Variants in CCDC60 observed in about 807,000 individuals in gnomAD.
The protein encoded by CCDC60 is coiled-coil domain-containing protein 60.
Under a neutral mutation model 63.5 loss-of-function variants are expected in CCDC60, and 54 were observed. The observed-to-expected ratio is 0.85, with a 90% CI of 0.68 to 1.07. The LOEUF is 1.07. CCDC60 is among the 50% of genes least tolerant of loss of function. CCDC60 has a pLI of 0.00. For missense variants in CCDC60, 651 were observed against 684.3 expected (o/e 0.95, Z 0.54); for synonymous variants, 206 against 238.8 (o/e 0.86, Z 1.27).
chr12:119,482,895 G>A (rs1168060802), intron 4 of CCDC60, among the ~76,000 whole-genome samples: 1 of 152,120 alleles, frequency 6.6e-6, no homozygotes. Flanking sequence ...GGTGACATGG[G>A]TGAGATGCTG....
At chr12:119,349,175 G>T (rs1340117221) in intron 1 of CCDC60, among the ~76,000 whole-genome samples, 1 of 152,048 alleles carries the variant, frequency 6.6e-6, no homozygotes, top group East Asian at 1.9e-4. Flanking sequence ...GGGGTGGGTG[G>T]GTTGAGAGAA....
intron 7 of CCDC60, among the ~76,000 whole-genome samples, chr12:119,507,604 A>ATTTTTT (rs1566050749): frequency 7.9e-5 from 2 of 25,194 alleles, no homozygotes; most frequent in Admixed American, 5.6e-4. Flanking sequence ...ATATATATAT[A>ATTTTTT]TATATATATA....
intron 12 of CCDC60, among the ~76,000 whole-genome samples, chr12:119,529,606 T>C (rs1291496708): frequency 6.6e-6 from 1 of 152,198 alleles, no homozygotes. Context: ...AGCAGGTCCC[T>C]GGAGTCTTTG....
Position 119,494,482 on chromosome 12 carries a change from G to A in CCDC60, c.558-5596G>A, listed in dbSNP as rs191806786. On this transcript the variant is annotated intron_variant, in intron 5 of 13. Transcript: ENST00000327554. ...AGGCTGTCCAGAGAGACACCACTGG[G>A]CCCACTGTTTAGTGGGGAGACCAAG... 3.5e-3 allele frequency among the ~76,000 whole-genome samples: 539 copies of A among 152,258 alleles called. 11 individuals are homozygous for A. Among genetic ancestry groups the A allele is most frequent in the Admixed American group, 0.031 (479 of 15,292 alleles).
At chr12:119,509,240 G>T (rs774178614) in intron 7 of CCDC60, among the ~76,000 whole-genome samples, 1 of 152,100 alleles carries the variant, frequency 6.6e-6, no homozygotes, top group Non-Finnish European at 1.5e-5. Flanking sequence ...AAAAATTTGT[G>T]TTTTTTTGAA....
intron 11 of CCDC60, chr12:119,524,512 AG>A: frequency 1.1e-6 from 1 of 913,778 alleles, no homozygotes. Context: ...CTCTGGGGCT[AG>A]GGTTGGAGAA....
At position 119,426,693 on chromosome 12, in the gene CCDC60, T is replaced by G. The variant is rs11831833; in HGVS notation, c.91-1990T>G. ...CAAGTGGGCAAGTAATAGCTGCAGT[T>G]ACAAATACTTTGTAGAATTGCCATA... On this transcript the variant is annotated intron_variant, in intron 1 of 13. Coordinates refer to ENST00000327554, the MANE Select transcript of CCDC60 (RefSeq NM_178499.5). Among the ~76,000 whole-genome samples the G allele has an allele frequency of 9.0e-3, 1,374 of 152,310 alleles. 23 individuals carry two copies. Among genetic ancestry groups the G allele is most frequent in the African/African-American group, 0.031 (1,287 of 41,564 alleles).
At chr12:119,426,128 G>C (rs1387435300) in intron 1 of CCDC60, among the ~76,000 whole-genome samples, 1 of 152,110 alleles carries the variant, frequency 6.6e-6, no homozygotes, top group Non-Finnish European at 1.5e-5. Context: ...ACACTGATGG[G>C]TCTGCCATCA....
At chr12:119,531,165 T>C (rs1046847007) in intron 13 of CCDC60, 102 bp downstream of exon 13, 11 of 1,013,566 alleles carry the variant, frequency 1.1e-5, no homozygotes, top group Middle Eastern at 6.4e-4. Flanking sequence ...CAAAGTCCCC[T>C]GCCTTTATGG....
chr12:119,409,705 A>G (rs1448280540), intron 1 of CCDC60, among the ~76,000 whole-genome samples: 1 of 152,058 alleles, frequency 6.6e-6, no homozygotes, highest in East Asian at 1.9e-4. Flanking sequence ...GCTTTTCCGT[A>G]TCTTCTTGGT....
intron 1 of CCDC60, among the ~76,000 whole-genome samples, chr12:119,419,809 A>G (rs1956775980): frequency 6.6e-6 from 1 of 151,746 alleles, no homozygotes; most frequent in Non-Finnish European, 1.5e-5. Context: ...TCTCCCTGAC[A>G]ATCAAAATTT....
At chr12:119,489,567 A>G (rs929054538) in intron 5 of CCDC60, among the ~76,000 whole-genome samples, 12 of 152,234 alleles carry the variant, frequency 7.9e-5, no homozygotes, top group African/African-American at 2.9e-4. Context: ...TTGTACACAC[A>G]GGGCAGAACA....
intron 8 of CCDC60, 77 bp downstream of exon 8, chr12:119,516,784 T>C (rs1007365612): frequency 1.0e-6 from 1 of 958,024 alleles, no homozygotes; most frequent in Non-Finnish European, 1.6e-6. Context: ...TTGCCAACTG[T>C]TGAGCATTTT....
At chr12:119,357,590 G>T (rs1032338957) in intron 1 of CCDC60, among the ~76,000 whole-genome samples, 6 of 152,082 alleles carry the variant, frequency 3.9e-5, no homozygotes, top group African/African-American at 1.4e-4. Context: ...AAGTAGCTGG[G>T]ATTACAGGCA....
intron 7 of CCDC60, among the ~76,000 whole-genome samples, chr12:119,514,684 GTTTAA>G (rs1593200132): frequency 2.6e-5 from 4 of 152,124 alleles, no homozygotes; most frequent in Non-Finnish European, 4.4e-5. Flanking sequence ...AGTAAGCTAA[GTTTAA>G]TTTATTATTG....
chr12:119,519,853 A>AGTGTGT (rs376695394), intron 8 of CCDC60, among the ~76,000 whole-genome samples: 1 of 135,128 alleles, frequency 7.4e-6, no homozygotes, highest in Non-Finnish European at 1.6e-5. Flanking sequence ...AGAGAGAGAG[A>AGTGTGT]GAGTGTGTGT....
At chr12:119,517,582 C>A (rs1407385930) in intron 8 of CCDC60, among the ~76,000 whole-genome samples, 1 of 152,044 alleles carries the variant, frequency 6.6e-6, no homozygotes, top group African/African-American at 2.4e-5. Flanking sequence ...AATGAGCCAG[C>A]CTGATGAGGC....
intron 3 of CCDC60, among the ~76,000 whole-genome samples, chr12:119,476,116 A>G (rs1187244776): frequency 6.6e-6 from 1 of 152,188 alleles, no homozygotes; most frequent in African/African-American, 2.4e-5. Context: ...ATTCTTTTAG[A>G]CAAAAATTTT....
At chr12:119,477,838 GT>G (rs1789638182) in intron 3 of CCDC60, among the ~76,000 whole-genome samples, 1 of 151,962 alleles carries the variant, frequency 6.6e-6, no homozygotes, top group South Asian at 2.1e-4. Context: ...GAAGGCCAAA[GT>G]TTTTTCATTT....
Sources: gnomAD v4.1 joint callset for allele counts (sites outside exome capture counted in the v4.1 genomes callset) on GRCh38, gnomAD v4.1.1 for gene constraint, MANE v1.5 for transcripts, NCBI Gene and HGNC (gene_info 2026-07-23, HGNC 2026-07-21) for gene names.